The following LRMDA variants were observed in gnomAD, a reference collection of about 807,000 sequenced individuals.
LRMDA encodes leucine-rich melanocyte differentiation-associated protein.
LRMDA carries 18 observed loss-of-function variants against 29.8 expected under a neutral mutation model. The ratio of observed to expected loss-of-function variants is 0.60; its 90% confidence interval spans 0.42 to 0.90. LRMDA has a LOEUF of 0.90. Among genes scored for constraint, LRMDA ranks in the 40% least tolerant of loss-of-function variants. LRMDA has a pLI of 0.00. For synonymous variants in LRMDA, 125 were observed against 109.4 expected (o/e 1.14, Z -0.89); for missense variants, 273 against 273.9 (o/e 1.00, Z 0.02).
chr10:75,663,750 G>T (rs1226644640), intron 2 of LRMDA, among the ~76,000 whole-genome samples: 1 of 152,144 alleles, frequency 6.6e-6, no homozygotes, highest in Non-Finnish European at 1.5e-5. Context: ...TCTAGCACTT[G>T]CCTGAGCTTC....
At chr10:75,900,435 C>T (rs188034383) in intron 2 of LRMDA, among the ~76,000 whole-genome samples, 9 of 152,218 alleles carry the variant, frequency 5.9e-5, no homozygotes, top group East Asian at 3.9e-4. Context: ...TTATGGTTCC[C>T]GGTTCCCCTA....
chr10:75,431,759 G>A lies in LRMDA; in HGVS notation c.30+5G>A, dbSNP rs1204212827. The A allele has an allele frequency of 3.7e-6, 5 of 1,369,842 alleles. No homozygotes were observed. Among genetic ancestry groups the A allele is most frequent in the Non-Finnish European group, 4.7e-6 (5 of 1,056,294 alleles). 84.9% of individuals were successfully genotyped at this position (1,369,842 alleles called of 1,614,324 possible). ...CTCGTGGTGCGTGGAACTCAAGTAAGTCCCGGCCAGCCCCGCCTCCGCCCG... is the reference window on the plus strand; with the variant it reads ...CTCGTGGTGCGTGGAACTCAAGTAAATCCCGGCCAGCCCCGCCTCCGCCCG... On this transcript the variant is annotated splice_donor_5th_base_variant and intron_variant, in intron 1 of 6. Transcript: ENST00000611255.
intron 2 of LRMDA, among the ~76,000 whole-genome samples, chr10:75,633,528 C>G (rs1382544836): frequency 2.6e-5 from 4 of 152,176 alleles, no homozygotes; most frequent in African/African-American, 9.7e-5. Context: ...CATTCATGCA[C>G]TGAATGTCTT....
intron 2 of LRMDA, among the ~76,000 whole-genome samples, chr10:75,968,933 T>C (rs540573500): frequency 3.9e-4 from 59 of 152,294 alleles, no homozygotes; most frequent in Non-Finnish European, 7.1e-4. Flanking sequence ...TTTGTTTCTG[T>C]TTTATACTGA....
At chr10:75,766,851 T>C (rs893408609) in intron 2 of LRMDA, among the ~76,000 whole-genome samples, 9 of 152,152 alleles carry the variant, frequency 5.9e-5, no homozygotes, top group African/African-American at 2.2e-4. Context: ...TGTCCATGTG[T>C]TCTCCTTGTT....
At chr10:75,467,780 G>A (rs1844672279) in intron 2 of LRMDA, among the ~76,000 whole-genome samples, 1 of 152,200 alleles carries the variant, frequency 6.6e-6, no homozygotes, top group African/African-American at 2.4e-5. Context: ...GGCCAACATG[G>A]TGAAACCCCA....
chr10:75,697,854 T>TGTGTGTGTGTGTGTGC (rs1443157627), intron 2 of LRMDA, among the ~76,000 whole-genome samples: 1 of 151,502 alleles, frequency 6.6e-6, no homozygotes, highest in African/African-American at 2.4e-5. Context: ...TGTGTGTGCG[T>TGTGTGTGTGTGTGTGC]GTGTGTGTGT....
intron 2 of LRMDA, among the ~76,000 whole-genome samples, chr10:75,842,614 T>A (rs1353831125): frequency 1.3e-5 from 2 of 152,356 alleles, no homozygotes; most frequent in South Asian, 4.1e-4. Flanking sequence ...CATATCAAAG[T>A]GCATTGCATG....
chr10:75,758,427 G>A (rs1477009709), intron 2 of LRMDA, among the ~76,000 whole-genome samples: 2 of 152,234 alleles, frequency 1.3e-5, no homozygotes, highest in Non-Finnish European at 2.9e-5. Context: ...ACCCCACTCA[G>A]TGTCATCTTA....
chr10:75,956,359 G>A lies in LRMDA; in HGVS notation c.132-79649G>A, dbSNP rs148722921. Among the ~76,000 whole-genome samples the A allele has an allele frequency of 5.3e-4, 80 of 152,240 alleles. 1 individual carries two copies. Among genetic ancestry groups the A allele is most frequent in the Non-Finnish European group, 7.1e-4 (48 of 68,022 alleles). On this transcript the variant is annotated intron_variant, in intron 2 of 6. Transcript: ENST00000611255. ...CTGTGAACTTAAATAAATCAGCAGC[G>A]CTTATTGTGTTTGTCTATTGGGGTC...
chr10:75,942,653 G>T (rs1332655811), intron 2 of LRMDA, among the ~76,000 whole-genome samples: 2 of 152,154 alleles, frequency 1.3e-5, no homozygotes, highest in Non-Finnish European at 2.9e-5. Flanking sequence ...CATTAGTTTT[G>T]CAGTGATGCC....
intron 1 of LRMDA, among the ~76,000 whole-genome samples, chr10:75,436,469 G>A (rs1417110150): frequency 6.6e-6 from 1 of 151,170 alleles, no homozygotes; most frequent in Non-Finnish European, 1.5e-5. Context: ...AGAAGCTGCT[G>A]AATTTTTTTT....
intron 2 of LRMDA, among the ~76,000 whole-genome samples, chr10:75,599,316 T>G (rs140706248): frequency 3.2e-4 from 48 of 152,274 alleles, no homozygotes; most frequent in African/African-American, 1.2e-3. Context: ...CAATGCTGGC[T>G]CCTGTGTGAT....
chr10:75,476,751 T>G (rs890720388), intron 2 of LRMDA, among the ~76,000 whole-genome samples: 18 of 152,226 alleles, frequency 1.2e-4, no homozygotes, highest in Non-Finnish European at 2.5e-4. Context: ...ACCCCTTGTA[T>G]TAGTTTTCTA....
chr10:76,538,682 A>C (rs1843319832), intron 6 of LRMDA, among the ~76,000 whole-genome samples: 1 of 151,900 alleles, frequency 6.6e-6, no homozygotes, highest in African/African-American at 2.4e-5. Context: ...AACTTGTTAC[A>C]ACTCTGTATA....
At chr10:76,138,745 C>G (rs1489759296) in intron 5 of LRMDA, among the ~76,000 whole-genome samples, 1 of 152,108 alleles carries the variant, frequency 6.6e-6, no homozygotes, top group Non-Finnish European at 1.5e-5. Flanking sequence ...TGTGTTTTCT[C>G]CCACCTTTTT....
At chr10:75,936,868 G>A (rs1846304102) in intron 2 of LRMDA, among the ~76,000 whole-genome samples, 1 of 152,138 alleles carries the variant, frequency 6.6e-6, no homozygotes, top group African/African-American at 2.4e-5. Context: ...TGGCTTTTGG[G>A]ACACAAACAT....
chr10:76,429,023 T>TACACACACAC (rs140684832), intron 6 of LRMDA, among the ~76,000 whole-genome samples: 57,156 of 149,700 alleles, frequency 0.38, 11,934 homozygotes, highest in Middle Eastern at 0.55. Flanking sequence ...CTGCCAATTA[T>TACACACACAC]ACACACACAC....
At chr10:76,270,799 C>T (rs1840059430) in intron 5 of LRMDA, 1 of 152,126 alleles carries the variant, frequency 6.6e-6, no homozygotes, top group Non-Finnish European at 1.5e-5. Context: ...AATCTAAGAG[C>T]TTTAATTAAA....
Sources: allele counts gnomAD v4.1 joint callset (sites outside exome capture counted in the v4.1 genomes callset), GRCh38; gene constraint gnomAD v4.1.1; transcripts MANE v1.5; gene names NCBI Gene and HGNC (gene_info 2026-07-23, HGNC 2026-07-21).